Variants in ZZEF1 observed in about 807,000 individuals in gnomAD.
The protein encoded by ZZEF1 is zinc finger ZZ-type and EF-hand domain-containing protein 1.
ZZEF1 carries 157 observed loss-of-function variants against 342.8 expected under a neutral mutation model. The observed-to-expected ratio is 0.46, with a 90% CI of 0.40 to 0.52. The LOEUF is 0.52. Among genes scored for constraint, ZZEF1 ranks in the 20% least tolerant of loss-of-function variants. The pLI is 0.00. For missense variants in ZZEF1, 3,480 were observed against 3,725.6 expected (o/e 0.93, Z 1.72); for synonymous variants, 1,505 against 1,429.1 (o/e 1.05, Z -1.20).
chr17:4,110,150 A>C (rs2058273314), intron 5 of ZZEF1, among the ~76,000 whole-genome samples: 1 of 152,232 alleles, frequency 6.6e-6, no homozygotes. Context: ...AAACTACACA[A>C]AGAACATTTT....
intron 42 of ZZEF1, among the ~76,000 whole-genome samples, chr17:4,030,378 C>T (rs2056515393): frequency 6.6e-6 from 1 of 152,172 alleles, no homozygotes; most frequent in African/African-American, 2.4e-5. Context: ...ATAGAAGTCC[C>T]TGACTTACAA....
intron 5 of ZZEF1, among the ~76,000 whole-genome samples, chr17:4,112,090 A>ATATATG (rs2058319716): frequency 2.3e-5 from 1 of 42,808 alleles, no homozygotes; most frequent in Non-Finnish European, 4.4e-5. Flanking sequence ...ATATATATAT[A>ATATATG]TATGTTTTGT....
chr17:4,129,010 G>A (rs1380875228), intron 1 of ZZEF1, among the ~76,000 whole-genome samples: 1 of 151,820 alleles, frequency 6.6e-6, no homozygotes, highest in African/African-American at 2.4e-5. Flanking sequence ...CTTGTGATCT[G>A]CCCACCTCGG....
At chr17:4,015,639 C>T (rs1038774501) in intron 49 of ZZEF1, among the ~76,000 whole-genome samples, 60 of 152,276 alleles carry the variant, frequency 3.9e-4, no homozygotes, top group African/African-American at 1.2e-3. Context: ...GTGGCAGGTG[C>T]CTTTATTCCT....
chr17:4,087,096 G>A (rs1415471535), intron 14 of ZZEF1, among the ~76,000 whole-genome samples: 2 of 152,068 alleles, frequency 1.3e-5, no homozygotes, highest in East Asian at 1.9e-4. Flanking sequence ...TGGCCAGGCT[G>A]GTCTCGAACT....
chr17:4,048,873 A>ATTTTTTTTTTTTTTTTTTT (rs71144157), intron 37 of ZZEF1, among the ~76,000 whole-genome samples: 2 of 133,756 alleles, frequency 1.5e-5, no homozygotes, highest in Non-Finnish European at 1.6e-5. Context: ...AGCCTGGATA[A>ATTTTTTTTTTTTTTTTTTT]TTTTTTTTTT....
At chr17:4,012,901 G>T (rs1328577966) in intron 52 of ZZEF1, among the ~76,000 whole-genome samples, 2 of 152,058 alleles carry the variant, frequency 1.3e-5, no homozygotes, top group Non-Finnish European at 2.9e-5. Context: ...TTAACAAAAT[G>T]TTAAGTCCTC....
At chr17:4,092,337 C>T (rs1482555551) in intron 11 of ZZEF1, among the ~76,000 whole-genome samples, 1 of 126,430 alleles carries the variant, frequency 7.9e-6, no homozygotes, top group Non-Finnish European at 1.6e-5. Flanking sequence ...CTTGCTCTGT[C>T]GCCCAGGCTG....
In ZZEF1 at chr17:4,004,449, T is replaced by A. The variant is rs1315955443; in HGVS notation, c.*2441A>T. On this transcript the variant is annotated 3_prime_UTR_variant, in exon 55 of 55. Coordinates refer to ENST00000381638, the MANE Select transcript of ZZEF1 (RefSeq NM_015113.4). ...AGACCAGTCCACACACAGGCGTACC[T>A]TATTATATAGAATTTGTACAATATA... 6.6e-6 allele frequency: 1 copy of A among 152,258 alleles called. No individual in the cohort carries two copies. Among genetic ancestry groups the A allele is most frequent in the Non-Finnish European group, 1.5e-5 (1 of 68,056 alleles). The allele number at this position is 152,258 out of a possible 1,614,324, so 9.4% of individuals were successfully genotyped here. A position where few individuals can be genotyped will look rare whatever the true frequency, so the allele number is the denominator to read the frequency against.
chr17:4,033,153 G>T, intron 40 of ZZEF1, 151 bp from the exon 41 acceptor site: 1 of 729,222 alleles, frequency 1.4e-6, no homozygotes, highest in Non-Finnish European at 2.1e-6. Flanking sequence ...TTCGTATAAT[G>T]GTGAGTAAAA....
intron 32 of ZZEF1, among the ~76,000 whole-genome samples, chr17:4,057,524 A>G (rs909901310): frequency 6.6e-6 from 1 of 152,168 alleles, no homozygotes; most frequent in Non-Finnish European, 1.5e-5. Context: ...CCCTTCATAC[A>G]TGACTTTTTT....
chr17:4,038,292 G>C (rs1046880291), intron 39 of ZZEF1, among the ~76,000 whole-genome samples: 2 of 152,216 alleles, frequency 1.3e-5, no homozygotes, highest in Non-Finnish European at 2.9e-5. Context: ...GGCAGGCCAA[G>C]TTTGGCCTGC....
chr17:4,029,924 G>A (rs1019500719), intron 42 of ZZEF1, among the ~76,000 whole-genome samples: 2 of 148,996 alleles, frequency 1.3e-5, no homozygotes, highest in Admixed American at 1.3e-4. Context: ...AGCCAGGTGT[G>A]GTAACTCATG....
chr17:4,095,318 T>C (rs1042687163), intron 11 of ZZEF1, among the ~76,000 whole-genome samples: 2 of 152,208 alleles, frequency 1.3e-5, no homozygotes, highest in African/African-American at 4.8e-5. Context: ...CACAGCGCCC[T>C]TTCTCCCCTA....
At chr17:4,032,376 TA>T (rs892594126) in intron 41 of ZZEF1, 118 bp from the exon 42 acceptor site, 2 of 1,119,368 alleles carry the variant, frequency 1.8e-6, no homozygotes, top group African/African-American at 3.2e-5. Flanking sequence ...CACGCAAGGA[TA>T]GGGATCTTCT....
intron 46 of ZZEF1, among the ~76,000 whole-genome samples, chr17:4,018,319 C>T (rs919699127): frequency 2.0e-5 from 3 of 151,846 alleles, no homozygotes; most frequent in East Asian, 3.8e-4. Context: ...CTATGTTGCC[C>T]GGGCCGGCCT....
Position 4,142,683 on chromosome 17 carries a change from C to G in ZZEF1, c.213G>C (p.Ser71=), listed in dbSNP as rs1247066208. Reference sequence around the variant, plus strand: ...ACGCGCCGCGATGCCTCGACACCAGCGACTCGCAGGGGGGTGTGGGCAGCA... The same window carrying G: ...ACGCGCCGCGATGCCTCGACACCAGGGACTCGCAGGGGGGTGTGGGCAGCA... ...AALLPTPPCE[S]LVSRHRGALF... The change falls in exon 1 of 55, where the codon TCG becomes TCC. Residue 71 remains serine (S), a synonymous_variant. Transcript: ENST00000381638. 7.5e-6 allele frequency: 12 copies of G among 1,606,524 alleles called. No individual in the cohort carries two copies. The highest frequency in any genetic ancestry group is 9.3e-6 in the Non-Finnish European group (11 of 1,179,388).
At chr17:4,058,490 C>T (rs887435184) in intron 31 of ZZEF1, among the ~76,000 whole-genome samples, 6 of 152,098 alleles carry the variant, frequency 3.9e-5, no homozygotes, top group Non-Finnish European at 5.9e-5. Context: ...TTAGATTTAC[C>T]GAAGAATCAT....
At chr17:4,043,797 C>A (rs1429441573) in intron 38 of ZZEF1, among the ~76,000 whole-genome samples, 1 of 152,206 alleles carries the variant, frequency 6.6e-6, no homozygotes, top group African/African-American at 2.4e-5. Flanking sequence ...CTCTCTAAAG[C>A]TTTATGAGGA....
Sources: gnomAD v4.1 joint callset for allele counts (sites outside exome capture counted in the v4.1 genomes callset) on GRCh38, gnomAD v4.1.1 for gene constraint, MANE v1.5 for transcripts, NCBI Gene and HGNC (gene_info 2026-07-23, HGNC 2026-07-21) for gene names.